The following STK39 variants were observed in gnomAD, a reference collection of about 807,000 sequenced individuals.
STK39 encodes the protein serine/threonine kinase 39.
A neutral mutation model predicts 77.8 loss-of-function variants in STK39; 20 were observed. That is an observed-to-expected ratio of 0.26 (90% confidence interval 0.18 to 0.37). The LOEUF is 0.37. Ranked by LOEUF, STK39 falls within the 10% of genes least tolerant of loss-of-function variation. STK39 has a pLI of 1.00. For missense variants in STK39, 479 were observed against 656.5 expected (o/e 0.73, Z 2.95); for synonymous variants, 246 against 234.1 (o/e 1.05, Z -0.47).
At chr2:167,992,148 T>C (rs1413262188) in intron 16 of STK39, among the ~76,000 whole-genome samples, 1 of 152,058 alleles carries the variant, frequency 6.6e-6, no homozygotes, top group Non-Finnish European at 1.5e-5. Context: ...CATAACTCAG[T>C]TGGAGAAGAG....
chr2:168,078,759 AG>A (rs1200055642), intron 10 of STK39, among the ~76,000 whole-genome samples: 2 of 151,012 alleles, frequency 1.3e-5, no homozygotes, highest in Non-Finnish European at 3.0e-5. Flanking sequence ...AAAAAAAAAA[AG>A]GAAAGCACCC....
At chr2:168,079,263 G>A (rs992709426) in intron 10 of STK39, among the ~76,000 whole-genome samples, 2 of 151,996 alleles carry the variant, frequency 1.3e-5, no homozygotes, top group Non-Finnish European at 2.9e-5. Flanking sequence ...GTCCTCTCCA[G>A]CCTAGGTCCT....
At chr2:168,240,434 A>G (rs1181388675) in intron 1 of STK39, among the ~76,000 whole-genome samples, 2 of 152,232 alleles carry the variant, frequency 1.3e-5, no homozygotes, top group East Asian at 3.8e-4. Context: ...TATTACAATA[A>G]TCCAAATAAG....
chr2:168,002,209 CTAAA>C (rs959665313), intron 16 of STK39, among the ~76,000 whole-genome samples: 2 of 152,172 alleles, frequency 1.3e-5, no homozygotes, highest in Admixed American at 1.3e-4. Context: ...CAACTCCTAA[CTAAA>C]TACAAAGTAA....
intron 14 of STK39, among the ~76,000 whole-genome samples, chr2:168,034,708 G>C (rs949256333): frequency 6.6e-6 from 1 of 152,180 alleles, no homozygotes; most frequent in Non-Finnish European, 1.5e-5. Context: ...GATCGGTCAC[G>C]CAGAAACGCT....
intron 10 of STK39, among the ~76,000 whole-genome samples, chr2:168,110,656 T>A (rs1280211702): frequency 1.3e-5 from 2 of 152,232 alleles, no homozygotes; most frequent in Non-Finnish European, 2.9e-5. Flanking sequence ...AAGTTTTCCT[T>A]ATACCTGAGG....
At chr2:168,042,453 T>C in intron 14 of STK39, among the ~76,000 whole-genome samples, 1 of 152,206 alleles carries the variant, frequency 6.6e-6, no homozygotes, top group Middle Eastern at 3.2e-3. Flanking sequence ...AGATAGGTTA[T>C]GGCACAATTC....
At chr2:167,990,132 A>G (rs939884600) in intron 16 of STK39, among the ~76,000 whole-genome samples, 2 of 152,218 alleles carry the variant, frequency 1.3e-5, no homozygotes, top group African/African-American at 4.8e-5. Flanking sequence ...TAAGGAGGAC[A>G]ATGAGATTTT....
chr2:168,062,937 A>G (rs1574432173), intron 14 of STK39, among the ~76,000 whole-genome samples: 1 of 152,206 alleles, frequency 6.6e-6, no homozygotes, highest in Non-Finnish European at 1.5e-5. Flanking sequence ...AAAAATCCTT[A>G]AAACGGAAAA....
chr2:168,002,945 A>G lies in STK39; in HGVS notation c.1498+9689T>C, dbSNP rs570543098. On this transcript the variant is annotated intron_variant, in intron 16 of 17. Coordinates refer to ENST00000355999, the MANE Select transcript of STK39 (RefSeq NM_013233.3). ...ATGTTTAAAGCAACACTGTGATTCT[A>G]CCACCTCTCAAGAGTTCAATTGCTG... Among the ~76,000 whole-genome samples the G allele has an allele frequency of 2.6e-5, 4 of 152,220 alleles. No individual in the cohort carries two copies. The South Asian group carries it at 6.2e-4, about 24-fold the overall frequency.
At chr2:168,058,317 G>A (rs1358987420) in intron 14 of STK39, among the ~76,000 whole-genome samples, 1 of 152,024 alleles carries the variant, frequency 6.6e-6, no homozygotes, top group African/African-American at 2.4e-5. Flanking sequence ...TCCTCTATTT[G>A]TTTTTTAGGA....
chr2:168,194,498 T>C (rs1689421405), intron 1 of STK39, among the ~76,000 whole-genome samples: 1 of 152,054 alleles, frequency 6.6e-6, no homozygotes, highest in South Asian at 2.1e-4. Flanking sequence ...ACATGTAAGT[T>C]TATTATTTGA....
At chr2:168,236,495 C>T (rs1243658758) in intron 1 of STK39, among the ~76,000 whole-genome samples, 2 of 152,124 alleles carry the variant, frequency 1.3e-5, no homozygotes, top group Non-Finnish European at 2.9e-5. Context: ...GTTGCCATTG[C>T]TTTTGGTGTT....
intron 10 of STK39, among the ~76,000 whole-genome samples, chr2:168,091,565 A>C (rs1285722522): frequency 6.6e-6 from 1 of 152,224 alleles, no homozygotes; most frequent in Admixed American, 6.5e-5. Context: ...AAAGGCAGAA[A>C]GATTATCACC....
intron 16 of STK39, among the ~76,000 whole-genome samples, chr2:167,981,223 A>G (rs1282661905): frequency 6.6e-6 from 1 of 152,248 alleles, no homozygotes; most frequent in Non-Finnish European, 1.5e-5. Flanking sequence ...ATGTAAGTCA[A>G]CCATTGCTTC....
chr2:168,190,315 A>C (rs1689308152), intron 1 of STK39, among the ~76,000 whole-genome samples: 1 of 152,148 alleles, frequency 6.6e-6, no homozygotes, highest in Non-Finnish European at 1.5e-5. Flanking sequence ...ATATAACCTA[A>C]AGCAAGGGGA....
intron 14 of STK39, among the ~76,000 whole-genome samples, chr2:168,052,448 C>T (rs1685422703): frequency 6.6e-6 from 1 of 152,042 alleles, no homozygotes; most frequent in Non-Finnish European, 1.5e-5. Context: ...GAGATTATGT[C>T]AAAAGGATTA....
intron 1 of STK39, among the ~76,000 whole-genome samples, chr2:168,235,315 G>A (rs1405751780): frequency 1.3e-5 from 2 of 151,704 alleles, no homozygotes; most frequent in East Asian, 1.9e-4. Flanking sequence ...TGGGACTACA[G>A]GCGTCCCTGA....
intron 14 of STK39, among the ~76,000 whole-genome samples, chr2:168,056,350 G>A (rs919594812): frequency 3.9e-5 from 6 of 151,942 alleles, no homozygotes; most frequent in African/African-American, 1.5e-4. Context: ...GGAGGGGGAG[G>A]GGCGTGCAGT....
Sources: gnomAD v4.1 joint callset for allele counts (sites outside exome capture counted in the v4.1 genomes callset) on GRCh38, gnomAD v4.1.1 for gene constraint, MANE v1.5 for transcripts, NCBI Gene and HGNC (gene_info 2026-07-23, HGNC 2026-07-21) for gene names.